Variants in ANKFN1 observed in about 807,000 individuals in gnomAD.
ANKFN1 encodes ankyrin repeat and fibronectin type III domain containing 1.
In ANKFN1, 74 loss-of-function variants were observed where a neutral mutation model predicts 108.7. The ratio of observed to expected loss-of-function variants is 0.68; its 90% CI spans 0.56 to 0.83. The LOEUF (loss-of-function observed/expected upper bound fraction) is 0.83. ANKFN1 is among the 40% of genes least tolerant of loss of function. ANKFN1 has a pLI of 0.00. For synonymous variants in ANKFN1, 547 were observed against 516.2 expected, an observed-to-expected ratio of 1.06 and a Z score of -0.81; for missense variants, 1,505 against 1,382.3, an observed-to-expected ratio of 1.09 and a Z score of -1.41.
chr17:56,457,820 T>C, intron 13 of ANKFN1, 43 bp from the exon 14 acceptor site: 1 of 1,457,300 alleles, frequency 6.9e-7, no homozygotes. Context: ...CTAAATCATG[T>C]ACTGGCTTGG....
chr17:56,240,765 T>C (rs1243450708), intron 3 of ANKFN1, among the ~76,000 whole-genome samples: 1 of 152,098 alleles, frequency 6.6e-6, no homozygotes, highest in Non-Finnish European at 1.5e-5. Context: ...AGTTTTCAAT[T>C]CCCAAATTTC....
intron 8 of ANKFN1, among the ~76,000 whole-genome samples, chr17:56,405,065 G>T (rs1325008085): frequency 6.6e-6 from 1 of 152,300 alleles, no homozygotes; most frequent in East Asian, 1.9e-4. Flanking sequence ...TGGAGGTGGT[G>T]GTGGGGGGTA....
At chr17:56,477,768 G>A in intron 16 of ANKFN1, 114 bp downstream of exon 16, 7 of 1,155,866 alleles carry the variant, frequency 6.1e-6, no homozygotes, top group African/African-American at 3.1e-5. Flanking sequence ...TTATGGTGAG[G>A]TGTCCTCAGA....
chr17:56,383,768 A>G, intron 8 of ANKFN1, among the ~76,000 whole-genome samples: 1 of 152,212 alleles, frequency 6.6e-6, no homozygotes, highest in Non-Finnish European at 1.5e-5. Context: ...CACTCTCCCA[A>G]GACTAAACCA....
In ANKFN1 at chr17:56,483,187, C is replaced by T. The variant is rs1041423091; in HGVS notation, c.2260+663C>T. Among the ~76,000 whole-genome samples the T allele has an allele frequency of 6.6e-5, 10 of 152,272 alleles. No homozygotes were observed. In the East Asian group the frequency reaches 1.7e-3, roughly 26 times the overall value. On this transcript the variant is annotated intron_variant, in intron 18 of 20. Transcript: ENST00000682825. ...CTTTCAAAAATGAATAGCCTGGGCT[C>T]CAGTTTCTCTACTTTTGCAGAGACC... is the stretch of plus-strand genomic sequence containing the variant.
At chr17:56,454,005 T>G (rs980945470) in intron 11 of ANKFN1, among the ~76,000 whole-genome samples, 1 of 152,288 alleles carries the variant, frequency 6.6e-6, no homozygotes, top group Non-Finnish European at 1.5e-5. Flanking sequence ...ACCTGGAAAG[T>G]CCTTTCAACA....
intron 4 of ANKFN1, among the ~76,000 whole-genome samples, chr17:56,067,071 C>T (rs9915068): frequency 0.035 from 5,274 of 152,150 alleles, 264 homozygotes; most frequent in African/African-American, 0.11. Flanking sequence ...TGCCTGTAGT[C>T]CTGGCCACTC....
At chr17:56,366,434 G>A (rs8079752) in intron 6 of ANKFN1, among the ~76,000 whole-genome samples, 4,922 of 152,194 alleles carry the variant, frequency 0.032, 231 homozygotes, top group African/African-American at 0.11. Context: ...TAGCTTAATT[G>A]TACAGTGTTT....
intron 4 of ANKFN1, among the ~76,000 whole-genome samples, chr17:56,061,555 G>A (rs1025079606): frequency 2.0e-5 from 3 of 152,126 alleles, no homozygotes; most frequent in South Asian, 2.1e-4. Context: ...TTACAGGCAT[G>A]AGCCACCACA....
At chr17:56,253,844 G>C (rs1183018773) in intron 3 of ANKFN1, among the ~76,000 whole-genome samples, 1 of 152,126 alleles carries the variant, frequency 6.6e-6, no homozygotes, top group Non-Finnish European at 1.5e-5. Flanking sequence ...ACACCACCTA[G>C]AGCAATAATA....
intron 4 of ANKFN1, among the ~76,000 whole-genome samples, chr17:56,102,700 C>T (rs922064686): frequency 6.6e-6 from 1 of 151,884 alleles, no homozygotes; most frequent in African/African-American, 2.4e-5. Flanking sequence ...CTGAGGTGTG[C>T]ATGCAGATTT....
chr17:56,168,021 C>T (rs1225584505), intron 1 of ANKFN1, among the ~76,000 whole-genome samples: 2 of 152,088 alleles, frequency 1.3e-5, no homozygotes, highest in Non-Finnish European at 2.9e-5. Context: ...AATGCCAGCA[C>T]TTTGGGAGGC....
chr17:56,422,515 A>C (rs2048443381), intron 8 of ANKFN1, among the ~76,000 whole-genome samples: 1 of 152,106 alleles, frequency 6.6e-6, no homozygotes. Flanking sequence ...GCATGCACGC[A>C]CACACTTCAA....
rs184109558 is a variant in ANKFN1, at chr17:56,301,316, C to T, written c.54-24905C>T. Among the ~76,000 whole-genome samples, 24 of 152,284 alleles carry T rather than the reference C, an allele frequency of 1.6e-4. No homozygotes were observed. The East Asian group carries it at 1.7e-3, about 11-fold the overall frequency. ...GTCTCCTTCCTGGCAACATGCTCAC[C>T]GCCAGATTGGGCTGAATCTTTCTGG... On this transcript the variant is annotated intron_variant, in intron 3 of 20. Transcript: ENST00000682825.
chr17:56,312,827 G>T (rs186095197), intron 3 of ANKFN1, among the ~76,000 whole-genome samples: 6 of 152,302 alleles, frequency 3.9e-5, no homozygotes, highest in African/African-American at 1.4e-4. Context: ...GACAAGTAAA[G>T]AAAGTAGTTA....
chr17:56,276,692 T>C (rs2043943679), intron 3 of ANKFN1, among the ~76,000 whole-genome samples: 1 of 152,210 alleles, frequency 6.6e-6, no homozygotes, highest in African/African-American at 2.4e-5. Flanking sequence ...CACTTTCTGA[T>C]TGGGTTGTTT....
At chr17:56,138,810 C>G (rs990963278) in intron 4 of ANKFN1, among the ~76,000 whole-genome samples, 1 of 152,088 alleles carries the variant, frequency 6.6e-6, no homozygotes, top group African/African-American at 2.4e-5. Flanking sequence ...TGCACCCAGC[C>G]ACAACACTCA....
chr17:56,502,808 C>T (rs1416106165), intron 20 of ANKFN1, among the ~76,000 whole-genome samples: 2 of 152,244 alleles, frequency 1.3e-5, no homozygotes, highest in Non-Finnish European at 2.9e-5. Context: ...GAGCCTATCA[C>T]AAACCTAGCC....
chr17:56,101,515 A>C (rs1905646078), intron 4 of ANKFN1, among the ~76,000 whole-genome samples: 1 of 152,248 alleles, frequency 6.6e-6, no homozygotes. Context: ...AGTATTTCTT[A>C]GCATGTTATA....
Sources: gnomAD v4.1 joint callset for allele counts (sites outside exome capture counted in the v4.1 genomes callset) on GRCh38, gnomAD v4.1.1 for gene constraint, MANE v1.5 for transcripts, NCBI Gene and HGNC (gene_info 2026-07-23, HGNC 2026-07-21) for gene names.